The following PRKCI variants were observed in gnomAD, a reference collection of about 807,000 sequenced individuals.
PRKCI encodes protein kinase C iota type.
In PRKCI, 43 loss-of-function variants were observed where a neutral mutation model predicts 84.0. That is an observed-to-expected ratio of 0.51 (90% CI 0.40 to 0.66). The LOEUF (loss-of-function observed/expected upper bound fraction) is 0.66. Among genes scored for constraint, PRKCI ranks in the 30% least tolerant of loss-of-function variants. PRKCI has a pLI of 0.00. For synonymous variants in PRKCI, 216 were observed against 234.4 expected (o/e 0.92, Z 0.72); for missense variants, 459 against 745.6 (o/e 0.62, Z 4.48).
chr3:170,283,342 A>G (rs1295963821), intron 11 of PRKCI, among the ~76,000 whole-genome samples: 4 of 152,162 alleles, frequency 2.6e-5, no homozygotes, highest in Non-Finnish European at 2.9e-5. Flanking sequence ...GAGTTTGTAT[A>G]TGTATGTTAT....
chr3:170,293,547 CCTATT>C lies in PRKCI; in HGVS notation c.1417+43_1417+47del, dbSNP rs753232821. On this transcript the variant is annotated intron_variant, in intron 14 of 17. Transcript: ENST00000295797. ...TTTTACAGAGATTCTCTGAGAAAAACCTATTCTAGAGTACAAATGAGAGTGATTCA... is the reference window on the plus strand; with the variant it reads ...TTTTACAGAGATTCTCTGAGAAAAACCTAGAGTACAAATGAGAGTGATTCA... The C allele has an allele frequency of 3.8e-6, 6 of 1,594,336 alleles. No homozygotes were observed. The Admixed American group carries it at 5.1e-5, about 14-fold the overall frequency.
intron 17 of PRKCI, 36 bp downstream of exon 17, chr3:170,299,146 T>C (rs373661262): frequency 1.6e-5 from 21 of 1,334,240 alleles, no homozygotes; most frequent in Non-Finnish European, 2.1e-5. Flanking sequence ...TTTTTTTAAG[T>C]TCTTTGGAAA....
At chr3:170,286,292 C>G (rs1418144233) in intron 12 of PRKCI, among the ~76,000 whole-genome samples, 1 of 151,986 alleles carries the variant, frequency 6.6e-6, no homozygotes, top group Admixed American at 6.6e-5. Context: ...AGTGGAACCC[C>G]TATGTACCTA....
rs904649847 is a variant in PRKCI at position 170,222,447 on chromosome 3, G to A, written c.-223G>A. 8.9e-6 allele frequency: 4 copies of A among 450,826 alleles called. No individual in the cohort carries two copies. The highest frequency in any genetic ancestry group is 5.6e-4 in the Middle Eastern group (1 of 1,784). 27.9% of individuals were successfully genotyped at this position (450,826 alleles called of 1,614,324 possible). A position where few individuals can be genotyped will look rare whatever the true frequency, so the allele number is the denominator to read the frequency against. ...CCGACGCAGGAGGTGTCTTGGGCCC[G>A]GGCGGCTGTAGAGGCGGCGGCGCCT... is the stretch of plus-strand genomic sequence containing the variant. On this transcript the variant is annotated 5_prime_UTR_variant, in exon 1 of 18. Coordinates refer to ENST00000295797, the MANE Select transcript of PRKCI (RefSeq NM_002740.6).
At chr3:170,281,047 A>G (rs949917171) in intron 9 of PRKCI, 119 bp from the exon 10 acceptor site, 24 of 706,626 alleles carry the variant, frequency 3.4e-5, no homozygotes, top group East Asian at 2.2e-4. Context: ...ATGATTATCA[A>G]TGGTTTTGAT....
intron 2 of PRKCI, among the ~76,000 whole-genome samples, chr3:170,258,036 A>G (rs1733632604): frequency 6.6e-6 from 1 of 152,124 alleles, no homozygotes. Flanking sequence ...AAGGAAAGAA[A>G]AAAATGGAAC....
intron 3 of PRKCI, among the ~76,000 whole-genome samples, chr3:170,261,876 T>A (rs900566278): frequency 3.3e-5 from 5 of 151,988 alleles, no homozygotes; most frequent in African/African-American, 1.2e-4. Flanking sequence ...TAAGAGTCTA[T>A]TTTTTTTGTC....
At chr3:170,224,828 G>A (rs569807859) in intron 1 of PRKCI, among the ~76,000 whole-genome samples, 1 of 152,254 alleles carries the variant, frequency 6.6e-6, no homozygotes, top group African/African-American at 2.4e-5. Context: ...CTGGCCCTAA[G>A]GCTTTCAATA....
intron 4 of PRKCI, among the ~76,000 whole-genome samples, chr3:170,265,075 G>A (rs1733824355): frequency 6.6e-6 from 1 of 152,044 alleles, no homozygotes; most frequent in Non-Finnish European, 1.5e-5. Context: ...TGTAATCCTA[G>A]CTACCTGGGA....
At chr3:170,224,430 C>T (rs549910634) in intron 1 of PRKCI, among the ~76,000 whole-genome samples, 72 of 149,592 alleles carry the variant, frequency 4.8e-4, no homozygotes, top group African/African-American at 1.6e-3. Flanking sequence ...ATGAACTTTG[C>T]AAGGTGAGAA....
At chr3:170,242,250 GCTGTATT>G (rs1733152304) in intron 2 of PRKCI, among the ~76,000 whole-genome samples, 1 of 152,002 alleles carries the variant, frequency 6.6e-6, no homozygotes, top group Non-Finnish European at 1.5e-5. Context: ...TATTTAGATA[GCTGTATT>G]ATGGCTCCAA....
intron 15 of PRKCI, among the ~76,000 whole-genome samples, chr3:170,296,843 TCC>T (rs1734695913): frequency 6.6e-6 from 1 of 152,192 alleles, no homozygotes; most frequent in South Asian, 2.1e-4. Flanking sequence ...AGTTGCAGGC[TCC>T]TCAGTCCAGT....
At chr3:170,280,668 TG>T (rs1323818098) in intron 9 of PRKCI, among the ~76,000 whole-genome samples, 11 of 152,036 alleles carry the variant, frequency 7.2e-5, no homozygotes, top group African/African-American at 2.7e-4. Flanking sequence ...AGGCTGCTCT[TG>T]AACTCCTGAC....
chr3:170,285,968 A>G (rs183362021), intron 12 of PRKCI, among the ~76,000 whole-genome samples: 106 of 148,868 alleles, frequency 7.1e-4, no homozygotes, highest in African/African-American at 2.5e-3. Flanking sequence ...CTTATTGCCC[A>G]GGCTGGAGTA....
rs1734912523 is a variant in PRKCI at position 170,304,686 on chromosome 3, A to G, written c.*1559A>G. The G allele has an allele frequency of 6.6e-6, 1 of 152,274 alleles. No homozygotes were observed. The highest frequency in any genetic ancestry group is 6.5e-5 in the Admixed American group (1 of 15,294). 9.4% of individuals were successfully genotyped at this position (152,274 alleles called of 1,614,324 possible). On this transcript the variant is annotated 3_prime_UTR_variant, in exon 18 of 18. Coordinates refer to ENST00000295797, the MANE Select transcript of PRKCI (RefSeq NM_002740.6). ...GTTCCTCGGATTATTTTTTATGGAT[A>G]TTAGTGTTCAGCAGCTTATTATTTA...
At chr3:170,225,791 C>T (rs1732614016) in intron 1 of PRKCI, among the ~76,000 whole-genome samples, 1 of 151,724 alleles carries the variant, frequency 6.6e-6, no homozygotes, top group Admixed American at 6.6e-5. Context: ...AAAAAATTGC[C>T]CTCTCTTTTC....
chr3:170,235,468 T>C, intron 2 of PRKCI, 117 bp downstream of exon 2: 1 of 1,124,298 alleles, frequency 8.9e-7, no homozygotes, highest in Non-Finnish European at 1.2e-6. Context: ...AGAAATTTGA[T>C]GCCATTCTTG....
chr3:170,271,882 G>A (rs906236487), intron 6 of PRKCI, among the ~76,000 whole-genome samples: 6 of 152,146 alleles, frequency 3.9e-5, no homozygotes, highest in African/African-American at 1.4e-4. Context: ...CTTCCAGGCT[G>A]GAATGTAGTG....
chr3:170,296,863 A>G (rs1007228621), intron 15 of PRKCI, among the ~76,000 whole-genome samples: 1 of 152,212 alleles, frequency 6.6e-6, no homozygotes, highest in Admixed American at 6.5e-5. Flanking sequence ...AGTGATTCAG[A>G]TAATGGTTGT....
Sources: allele counts gnomAD v4.1 joint callset (sites outside exome capture counted in the v4.1 genomes callset), GRCh38; gene constraint gnomAD v4.1.1; transcripts MANE v1.5; gene names NCBI Gene and HGNC (gene_info 2026-07-23, HGNC 2026-07-21).